ACAP2: variants seen among roughly 807,000 people sequenced by gnomAD.
The protein encoded by ACAP2 is ArfGAP with coiled-coil, ankyrin repeat and PH domains 2, also known as arf-GAP with coiled-coil, ANK repeat and PH domain-containing protein 2.
In ACAP2, 39 loss-of-function variants were observed where a neutral mutation model predicts 115.8. The ratio of observed to expected loss-of-function variants is 0.34; its 90% CI spans 0.26 to 0.44. The LOEUF (loss-of-function observed/expected upper bound fraction) is 0.44, where lower values mean the gene tolerates loss of function less well. Among genes scored for constraint, ACAP2 ranks in the 20% least tolerant of loss-of-function variants. ACAP2 has a pLI of 1.00. For synonymous variants in ACAP2, 289 were observed against 315.8 expected (o/e 0.92, Z 0.90); for missense variants, 662 against 927.6 (o/e 0.71, Z 3.72).
chr3:195,302,027 G>T lies in ACAP2; in HGVS notation c.1264C>A (p.Pro422Thr). 1.9e-6 allele frequency: 3 copies of T among 1,614,062 alleles called. No individual in the cohort carries two copies. The highest frequency in any genetic ancestry group is 2.5e-6 in the Non-Finnish European group (3 of 1,180,038). ...CCCAGGTTGATGCTGGCCCACCGTG[G>T]ATCTGCCAGGCCACAGTCACAACAG... ...ASCCDCGLAD[P>T]RWASINLGIT... The change falls in exon 14 of 23, where the codon CCA (proline) becomes ACA (threonine). Residue 422 changes from proline (P) to threonine (T), a missense_variant. By Grantham distance (38) the Pro-to-Thr change is conservative. This residue lies in a region of ACAP2 where 401 missense variants were observed against 604.4 expected (regional missense o/e 0.66). Transcript: ENST00000326793.
chr3:195,298,432 T>G (rs976800165), intron 15 of ACAP2, among the ~76,000 whole-genome samples: 1 of 151,948 alleles, frequency 6.6e-6, no homozygotes, highest in Admixed American at 6.6e-5. Context: ...GTTTTTGTAT[T>G]TGTAGTAGAG....
In ACAP2 at chr3:195,382,678, G is replaced by C. The variant is rs1366606875; in HGVS notation, c.112-656C>G. Among the ~76,000 whole-genome samples, 7 of 152,180 alleles carry C rather than the reference G, an allele frequency of 4.6e-5. No individual in the cohort carries two copies. The East Asian group carries it at 1.4e-3, about 29-fold the overall frequency. ...AGGGGATGCAAAGGGGGGTCACCAAGAAGAGGATAAAGAGCCAAGAAAAAC... is the reference window on the plus strand; with the variant it reads ...AGGGGATGCAAAGGGGGGTCACCAACAAGAGGATAAAGAGCCAAGAAAAAC... On this transcript the variant is annotated intron_variant, in intron 2 of 22. Transcript: ENST00000326793.
intron 12 of ACAP2, 191 bp from the exon 13 acceptor site, chr3:195,306,807 G>A: frequency 2.6e-5 from 9 of 348,750 alleles, no homozygotes; most frequent in South Asian, 1.7e-4. Context: ...AGGTGCCAAT[G>A]AAACAAATTA....
In ACAP2 at chr3:195,307,256, C is replaced by T. The variant is rs913184994; in HGVS notation, c.977G>A (p.Arg326Gln). 2 of 1,613,378 alleles carry T rather than the reference C, an allele frequency of 1.2e-6. No individual in the cohort carries two copies. The highest frequency in any genetic ancestry group is 1.7e-6 in the Non-Finnish European group (2 of 1,179,634). The change falls in exon 12 of 23, where the codon CGA becomes CAA. Residue 326 changes from arginine (R) to glutamine (Q), a missense_variant. Coordinates refer to ENST00000326793, the MANE Select transcript of ACAP2 (RefSeq NM_012287.6). ...CTVKHCEDIERRFCFEVVSPT... is the reference protein window; with the variant it reads ...CTVKHCEDIEQRFCFEVVSPT... ...CGAGACCACCTCAAAGCAGAATCGT[C>T]GCTCTATGTCTTCACAATGTTTCAC...
chr3:195,357,483 A>G (rs1208832957), intron 4 of ACAP2, among the ~76,000 whole-genome samples: 1 of 152,148 alleles, frequency 6.6e-6, no homozygotes, highest in Admixed American at 6.5e-5. Context: ...TTAAGAGAAC[A>G]CAGCTTGCAG....
At chr3:195,416,716 A>C (rs1166956871) in intron 1 of ACAP2, among the ~76,000 whole-genome samples, 1 of 152,204 alleles carries the variant, frequency 6.6e-6, no homozygotes, top group African/African-American at 2.4e-5. Flanking sequence ...TCTTATAATG[A>C]ATTTCCAAGT....
chr3:195,360,892 G>C (rs909399955), intron 4 of ACAP2, among the ~76,000 whole-genome samples: 3 of 151,686 alleles, frequency 2.0e-5, no homozygotes, highest in African/African-American at 7.3e-5. Context: ...TTTCATTGAG[G>C]GGGTGTAGAA....
chr3:195,399,768 C>T (rs1361919047), intron 1 of ACAP2, among the ~76,000 whole-genome samples: 1 of 152,038 alleles, frequency 6.6e-6, no homozygotes, highest in East Asian at 1.9e-4. Flanking sequence ...TAGTATGGCT[C>T]TGGTGAATGA....
intron 22 of ACAP2, chr3:195,285,452 G>A (rs111986332): frequency 5.9e-4 from 121 of 205,986 alleles, no homozygotes; most frequent in African/African-American, 2.5e-3. Context: ...GCTGCTGTAA[G>A]TATATGAAGA....
chr3:195,347,041 G>A (rs1195637945), intron 4 of ACAP2, among the ~76,000 whole-genome samples: 1 of 151,988 alleles, frequency 6.6e-6, no homozygotes, highest in Non-Finnish European at 1.5e-5. Flanking sequence ...TGATTTTGGT[G>A]TGGAGACCCA....
chr3:195,355,510 C>G (rs1363191680), intron 4 of ACAP2, among the ~76,000 whole-genome samples: 1 of 152,142 alleles, frequency 6.6e-6, no homozygotes, highest in Non-Finnish European at 1.5e-5. Flanking sequence ...TGGAAATTAA[C>G]AGTATTATTC....
intron 22 of ACAP2, among the ~76,000 whole-genome samples, chr3:195,285,124 T>G (rs1726759937): frequency 6.6e-6 from 1 of 152,386 alleles, no homozygotes; most frequent in South Asian, 2.1e-4. Flanking sequence ...TACAACTGCC[T>G]GGAGGCAAAG....
At chr3:195,418,957 G>A (rs1321006390) in intron 1 of ACAP2, among the ~76,000 whole-genome samples, 1 of 152,092 alleles carries the variant, frequency 6.6e-6, no homozygotes, top group African/African-American at 2.4e-5. Flanking sequence ...TAATAACATG[G>A]AGATGCTTGC....
chr3:195,319,919 T>C (rs994683425), intron 10 of ACAP2, among the ~76,000 whole-genome samples: 3 of 152,220 alleles, frequency 2.0e-5, no homozygotes, highest in Non-Finnish European at 2.9e-5. Context: ...CCCACCCAAA[T>C]CTCATCTTAA....
At chr3:195,427,899 C>T (rs1432940050) in intron 1 of ACAP2, among the ~76,000 whole-genome samples, 1 of 150,862 alleles carries the variant, frequency 6.6e-6, no homozygotes, top group African/African-American at 2.4e-5. Flanking sequence ...AGAGTGAGAC[C>T]CCATCTCAAA....
intron 1 of ACAP2, among the ~76,000 whole-genome samples, chr3:195,424,275 ATATATATATTTTTTTT>A (rs1174134602): frequency 1.1e-3 from 60 of 52,786 alleles, no homozygotes; most frequent in African/African-American, 4.0e-3. Context: ...ATATATATAT[ATATATATATTTTTTTT>A]TTTTTTTTTT....
At chr3:195,381,769 C>T in intron 3 of ACAP2, 134 bp downstream of exon 3, 2 of 995,022 alleles carry the variant, frequency 2.0e-6, no homozygotes, top group Non-Finnish European at 2.9e-6. Flanking sequence ...CAAGAGAGCA[C>T]CAAGGGGTGA....
intron 4 of ACAP2, among the ~76,000 whole-genome samples, chr3:195,346,235 T>C (rs1577334335): frequency 6.6e-6 from 1 of 152,030 alleles, no homozygotes; most frequent in Non-Finnish European, 1.5e-5. Flanking sequence ...AAACCCAAAG[T>C]AAGCAGAAGA....
intron 20 of ACAP2, among the ~76,000 whole-genome samples, chr3:195,290,849 T>TAATAAATAAATA (rs370263101): frequency 1.3e-4 from 17 of 134,196 alleles, no homozygotes; most frequent in South Asian, 4.9e-4. Flanking sequence ...AATAAATAAA[T>TAATAAATAAATA]AATAAATAAA....
Sources: allele counts gnomAD v4.1 joint callset (sites outside exome capture counted in the v4.1 genomes callset), GRCh38; gene constraint gnomAD v4.1.1; regional missense constraint gnomAD v4.1.1; transcripts MANE v1.5; gene names NCBI Gene and HGNC (gene_info 2026-07-23, HGNC 2026-07-21).